Variants in SNTN observed in about 807,000 individuals in gnomAD.
The protein encoded by SNTN is sentan, cilia apical structure protein.
In SNTN, 13 loss-of-function variants were observed where a neutral mutation model predicts 12.3. The ratio of observed to expected loss-of-function variants is 1.05; its 90% confidence interval spans 0.69 to 1.67. The LOEUF (loss-of-function observed/expected upper bound fraction) is 1.67, where lower values mean the gene tolerates loss of function less well. Ranked by LOEUF, SNTN falls within the 40% of genes most tolerant of loss-of-function variation. SNTN has a pLI of 0.00. For synonymous variants in SNTN, 69 were observed against 58.5 expected, an observed-to-expected ratio of 1.18 and a Z score of -0.82; for missense variants, 189 against 169.8, an observed-to-expected ratio of 1.11 and a Z score of -0.63.
chr3:63,657,869 T>C (rs1442263991), intron 2 of SNTN, among the ~76,000 whole-genome samples: 1 of 152,208 alleles, frequency 6.6e-6, no homozygotes, highest in Non-Finnish European at 1.5e-5. Flanking sequence ...TAACCAAATA[T>C]ATAGCCTGGG....
At chr3:63,659,949 T>G (rs924264270) in intron 3 of SNTN, 85 bp downstream of exon 3, 1 of 1,500,904 alleles carries the variant, frequency 6.7e-7, no homozygotes, top group African/African-American at 1.4e-5. Context: ...TCCAGGTCCC[T>G]GTCATGTTGT....
chr3:63,663,981 T>G lies in SNTN; in HGVS notation c.330T>G (p.Leu110=). Residue 110 remains leucine, a synonymous_variant, in exon 4 of 4, where the codon CTT becomes CTG. Coordinates refer to ENST00000343837, the MANE Select transcript of SNTN (RefSeq NM_001080537.2). ...KPKYREILSE[L]DEHTENKLDF... is the part of the protein sequence containing the mutation. ...AATACAGAGAGATCCTTTCTGAACT[T>G]GATGAGCACACAGAAAATAAGCTAG... 6.2e-7 allele frequency: 1 copy of G among 1,613,846 alleles called. No individual in the cohort carries two copies. Among genetic ancestry groups the G allele is most frequent in the Non-Finnish European group, 8.5e-7 (1 of 1,179,956 alleles).
chr3:63,663,961 A>G lies in SNTN; in HGVS notation c.310A>G (p.Arg104Gly). ...GGGACAAGAAACCAAGCCAAAATAC[A>G]GAGAGATCCTTTCTGAACTTGATGA... ...AEGQETKPKY[R>G]EILSELDEHT... The change falls in exon 4 of 4, where the codon AGA (arginine) becomes GGA (glycine). Residue 104 changes from arginine to glycine, a missense_variant. Arg to Gly is a moderately radical substitution (Grantham distance 125). Transcript: ENST00000343837. 6.2e-7 allele frequency: 1 copy of G among 1,612,762 alleles called. No homozygotes were observed. Among genetic ancestry groups the G allele is most frequent in the Admixed American group, 1.7e-5 (1 of 59,746 alleles).
chr3:63,659,890 A>C, intron 3 of SNTN, 26 bp downstream of exon 3: 1 of 1,613,322 alleles, frequency 6.2e-7, no homozygotes, highest in Non-Finnish European at 8.5e-7. Flanking sequence ...TGCATAAAGA[A>C]ACAGAAACTA....
intron 2 of SNTN, among the ~76,000 whole-genome samples, chr3:63,655,714 T>A (rs565561854): frequency 2.6e-5 from 4 of 151,096 alleles, no homozygotes; most frequent in Non-Finnish European, 5.9e-5. Flanking sequence ...CATTTATTCT[T>A]ATGCCTTAAA....
intron 2 of SNTN, 109 bp from the exon 3 acceptor site, chr3:63,659,616 G>A (rs2106942111): frequency 7.6e-7 from 1 of 1,316,196 alleles, no homozygotes. Context: ...GAGGCAAAGG[G>A]CCAAGATTTA....
At chr3:63,654,255 CA>C (rs1351384569) in intron 1 of SNTN, among the ~76,000 whole-genome samples, 1 of 152,126 alleles carries the variant, frequency 6.6e-6, no homozygotes, top group African/African-American at 2.4e-5. Flanking sequence ...GCTGCTGGAA[CA>C]AAAAAACTTC....
chr3:63,664,177 T>G lies in SNTN; in HGVS notation c.*82T>G. On this transcript the variant is annotated 3_prime_UTR_variant, in exon 4 of 4. Coordinates refer to ENST00000343837, the MANE Select transcript of SNTN (RefSeq NM_001080537.2). Reference sequence around the variant, plus strand: ...TCCATCTTATTTTTGATTAATTGAATATATCTATCATGCATCTGAAATTGC... The same window carrying G: ...TCCATCTTATTTTTGATTAATTGAAGATATCTATCATGCATCTGAAATTGC... 7.5e-7 allele frequency: 1 copy of G among 1,335,220 alleles called. No individual in the cohort carries two copies. The highest frequency in any genetic ancestry group is 1.0e-6 in the Non-Finnish European group (1 of 989,164). The allele number at this position is 1,335,220 out of a possible 1,614,324, so 82.7% of individuals were successfully genotyped here.
intron 2 of SNTN, 82 bp downstream of exon 2, chr3:63,654,878 T>C: frequency 8.1e-7 from 1 of 1,236,388 alleles, no homozygotes; most frequent in Admixed American, 2.0e-5. Flanking sequence ...TAATAGGACA[T>C]CAAAGAATGC....
intron 3 of SNTN, chr3:63,663,638 TG>T: frequency 2.5e-6 from 1 of 404,744 alleles, no homozygotes. Context: ...TAAAAGAGCC[TG>T]GAACCCTCCC....
At chr3:63,654,853 AGTGTT>A in intron 2 of SNTN, 57 bp downstream of exon 2, 1 of 1,495,562 alleles carries the variant, frequency 6.7e-7, no homozygotes, top group Non-Finnish European at 9.2e-7. Context: ...TGGCATGCCA[AGTGTT>A]AAAAAAAAAT....
chr3:63,652,885 C>G (rs1252692038), intron 1 of SNTN, 88 bp downstream of exon 1: 16 of 1,241,398 alleles, frequency 1.3e-5, no homozygotes, highest in Non-Finnish European at 1.7e-5. Context: ...CTTTATAAGC[C>G]AAGTTATTGC....
At chr3:63,659,703 T>C (rs772130579) in intron 2 of SNTN, 22 bp from the exon 3 acceptor site, 3 of 1,613,396 alleles carry the variant, frequency 1.9e-6, no homozygotes, top group Non-Finnish European at 2.5e-6. Context: ...GGATACTTTA[T>C]TCCACATTTC....
intron 2 of SNTN, among the ~76,000 whole-genome samples, chr3:63,657,488 T>G (rs1207864073): frequency 6.6e-6 from 1 of 152,196 alleles, no homozygotes; most frequent in Non-Finnish European, 1.5e-5. Flanking sequence ...AACAGGAAAC[T>G]AAAACGCCTC....
At position 63,659,632 on chromosome 3, in the gene SNTN, T is replaced by C. The variant is rs909393556; in HGVS notation, c.146-93T>C. On this transcript the variant is annotated intron_variant, in intron 2 of 3. Transcript: ENST00000343837. ...AGGCAAAGGGCCAAGATTTAGAAGG[T>C]TCCCTACAGTTCCCTTGGAAGACAC... 4.9e-5 allele frequency: 72 copies of C among 1,459,734 alleles called. No homozygotes were observed. In the Admixed American group the frequency reaches 1.3e-3, roughly 27 times the overall value. The allele number at this position is 1,459,734 out of a possible 1,614,324, so 90.4% of individuals were successfully genotyped here.
In SNTN at chr3:63,659,876, A is replaced by C. The variant is rs1700725021; in HGVS notation, c.285+12A>C. On this transcript the variant is annotated intron_variant, in intron 3 of 3. Transcript: ENST00000343837. ...GGAATTTCGCAGAGGTGAGAGAATT[A>C]ACTTGCATAAAGAAACAGAAACTAC... 6.2e-7 allele frequency: 1 copy of C among 1,613,766 alleles called. No individual in the cohort carries two copies. The highest frequency in any genetic ancestry group is 2.2e-5 in the East Asian group (1 of 44,864).
At position 63,664,490 on chromosome 3, in the gene SNTN, T is replaced by C. The variant is rs962962515; in HGVS notation, c.*395T>C. 6.3e-6 allele frequency: 1 copy of C among 159,668 alleles called. No individual in the cohort carries two copies. The highest frequency in any genetic ancestry group is 2.4e-5 in the African/African-American group (1 of 41,638). The allele number at this position is 159,668 out of a possible 1,614,324, so 9.9% of individuals were successfully genotyped here. ...CAGGCAATTCCTTCCTTCAGACATG[T>C]TTGCAGAAGTCTAGCAGAAGAGATA... On this transcript the variant is annotated 3_prime_UTR_variant, in exon 4 of 4. Transcript: ENST00000343837.
chr3:63,659,654 A>T, intron 2 of SNTN, 71 bp from the exon 3 acceptor site: 1 of 1,572,454 alleles, frequency 6.4e-7, no homozygotes, highest in Non-Finnish European at 8.7e-7. Context: ...CCCTTGGAAG[A>T]CACAACAGCA....
chr3:63,655,253 G>C (rs1700664757), intron 2 of SNTN, among the ~76,000 whole-genome samples: 1 of 152,094 alleles, frequency 6.6e-6, no homozygotes, highest in African/African-American at 2.4e-5. Flanking sequence ...CAATTGCATA[G>C]GTAAAATAAG....
Sources: gnomAD v4.1 joint callset for allele counts (sites outside exome capture counted in the v4.1 genomes callset) on GRCh38, gnomAD v4.1.1 for gene constraint, MANE v1.5 for transcripts, NCBI Gene and HGNC (gene_info 2026-07-23, HGNC 2026-07-21) for gene names.